Variants in RUBCN observed in about 807,000 individuals in gnomAD.
RUBCN encodes run domain Beclin-1-interacting and cysteine-rich domain-containing protein.
RUBCN carries 74 observed loss-of-function variants against 113.2 expected under a neutral mutation model. The observed-to-expected ratio is 0.65, with a 90% CI of 0.54 to 0.79. RUBCN has a LOEUF of 0.79. RUBCN is among the 30% of genes least tolerant of loss of function. The pLI is 0.00. For synonymous variants in RUBCN, 480 were observed against 490.0 expected (o/e 0.98, Z 0.27); for missense variants, 1,109 against 1,251.7 (o/e 0.89, Z 1.72).
intron 1 of RUBCN, among the ~76,000 whole-genome samples, chr3:197,728,924 G>A (rs1315963160): frequency 6.6e-6 from 1 of 152,166 alleles, no homozygotes; most frequent in African/African-American, 2.4e-5. Flanking sequence ...GTGAGAGTGG[G>A]TGAGTGTGCC....
At chr3:197,720,726 G>A (rs1049268159) in intron 1 of RUBCN, among the ~76,000 whole-genome samples, 3 of 152,044 alleles carry the variant, frequency 2.0e-5, no homozygotes, top group African/African-American at 7.2e-5. Context: ...CATTTAAGTT[G>A]ATTTCATACC....
rs374328414 is a variant in RUBCN, at chr3:197,678,450, TCTAA to T, written c.2431-913_2431-910del. ...CAACTGGCTTCAGACTGTCCTATGC[TCTAA>T]CTGACAACTGGCTTCAGACTGTCCT... On this transcript the variant is annotated intron_variant, in intron 16 of 19. Coordinates refer to ENST00000296343, the MANE Select transcript of RUBCN (RefSeq NM_014687.4). Among the ~76,000 whole-genome samples, 1,109 of 143,814 alleles carry T rather than the reference TCTAA, an allele frequency of 7.7e-3. 11 individuals carry two copies. Among genetic ancestry groups the T allele is most frequent in the Middle Eastern group, 0.024 (6 of 250 alleles). 94.3% of individuals were successfully genotyped at this position (143,814 alleles called of 152,430 possible).
At position 197,711,780 on chromosome 3, in the gene RUBCN, T is replaced by C. The variant is rs557002948; in HGVS notation, c.219+6197A>G. Among the ~76,000 whole-genome samples, 320 of 152,348 alleles carry C rather than the reference T, an allele frequency of 2.1e-3. 3 individuals are homozygous for C. The highest frequency in any genetic ancestry group is 3.5e-3 in the Non-Finnish European group (240 of 68,030). On this transcript the variant is annotated intron_variant, in intron 2 of 19. Transcript: ENST00000296343. ...TTTCACTGTATAGTTTTATACTTTT[T>C]TGATTATCTAGCTACGTAAAATACA...
At chr3:197,722,190 A>G (rs1222601272) in intron 1 of RUBCN, among the ~76,000 whole-genome samples, 23 of 151,918 alleles carry the variant, frequency 1.5e-4, no homozygotes, top group Admixed American at 1.5e-3. Context: ...TGGAGCTGGG[A>G]TTGCACCACT....
chr3:197,727,701 T>C (rs1469430476), intron 1 of RUBCN, among the ~76,000 whole-genome samples: 1 of 152,208 alleles, frequency 6.6e-6, no homozygotes, highest in Non-Finnish European at 1.5e-5. Context: ...ATACTGGATA[T>C]GACTTTTATA....
In RUBCN at chr3:197,697,566, AG is replaced by A. The variant is rs563587836; in HGVS notation, c.1262-518del. 1.1e-3 allele frequency among the ~76,000 whole-genome samples: 172 copies of A among 152,330 alleles called. 1 individual carries two copies. Among genetic ancestry groups the A allele is most frequent in the African/African-American group, 4.0e-3 (167 of 41,580 alleles). On this transcript the variant is annotated intron_variant, in intron 7 of 19. Coordinates refer to ENST00000296343, the MANE Select transcript of RUBCN (RefSeq NM_014687.4). The stretch of plus-strand genomic sequence containing the variant: ...GGCAGTGCTGGAGAAGCCCAGGGAG[AG>A]GGCCCTGTAAGCAAAGGGCTCCGTT...
At position 197,669,489 on chromosome 3, in the gene RUBCN, G is replaced by C. The variant is rs184555172; in HGVS notation, c.*5529C>G. On this transcript the variant is annotated 3_prime_UTR_variant, in exon 20 of 20. Transcript: ENST00000296343. Reference sequence around the variant, plus strand: ...GTTGTTTTTCTCATGATTAGACTGAGGTTATGGGTTTCTGAATGAATGTCA... The same window carrying C: ...GTTGTTTTTCTCATGATTAGACTGACGTTATGGGTTTCTGAATGAATGTCA... Among the ~76,000 whole-genome samples, 2 of 152,276 alleles carry C rather than the reference G, an allele frequency of 1.3e-5. No individual in the cohort carries two copies. The highest frequency in any genetic ancestry group is 1.9e-4 in the East Asian group (1 of 5,180).
rs917320297 is a variant in RUBCN, at chr3:197,670,735, G to A, written c.*4283C>T. ...GAAGATTTTTAAATATGTAGGGTGTGTTTACAGCATATAAATATCATCTTA... is the reference window on the plus strand; with the variant it reads ...GAAGATTTTTAAATATGTAGGGTGTATTTACAGCATATAAATATCATCTTA... On this transcript the variant is annotated 3_prime_UTR_variant, in exon 20 of 20. Transcript: ENST00000296343. 6.6e-5 allele frequency among the ~76,000 whole-genome samples: 10 copies of A among 152,230 alleles called. No homozygotes were observed. Among genetic ancestry groups the A allele is most frequent in the East Asian group, 1.9e-4 (1 of 5,198 alleles).
intron 18 of RUBCN, 76 bp downstream of exon 18, chr3:197,676,808 AG>A (rs1163555807): frequency 6.2e-7 from 1 of 1,609,126 alleles, no homozygotes; most frequent in African/African-American, 1.3e-5. Flanking sequence ...CTAAGTGGCA[AG>A]AACCCCAGGT....
At chr3:197,685,606 A>G (rs1560413611) in intron 11 of RUBCN, among the ~76,000 whole-genome samples, 1 of 152,250 alleles carries the variant, frequency 6.6e-6, no homozygotes, top group East Asian at 1.9e-4. Context: ...CTTCAAAGCT[A>G]CATGTATGAG....
intron 1 of RUBCN, among the ~76,000 whole-genome samples, chr3:197,720,170 T>G (rs939145413): frequency 1.3e-5 from 2 of 152,146 alleles, no homozygotes; most frequent in Non-Finnish European, 2.9e-5. Context: ...CTCCATGCCC[T>G]TCTCCCTCCT....
intron 7 of RUBCN, among the ~76,000 whole-genome samples, chr3:197,697,636 G>A (rs554340392): frequency 6.6e-6 from 1 of 152,234 alleles, no homozygotes; most frequent in Non-Finnish European, 1.5e-5. Flanking sequence ...GGGAGGGAAG[G>A]CTGGCGAGAC....
chr3:197,731,781 G>A (rs1486870785), intron 1 of RUBCN, among the ~76,000 whole-genome samples: 11 of 151,404 alleles, frequency 7.3e-5, no homozygotes, highest in African/African-American at 2.2e-4. Flanking sequence ...CGGATGGGGC[G>A]GCTGGCCGGG....
intron 17 of RUBCN, 103 bp from the exon 18 acceptor site, chr3:197,677,141 G>T: frequency 8.0e-7 from 1 of 1,254,876 alleles, no homozygotes; most frequent in Non-Finnish European, 1.2e-6. Flanking sequence ...ATGAGGGTGG[G>T]CACCCATCAG....
chr3:197,676,619 T>G (rs1720462037), intron 18 of RUBCN: 1 of 1,343,764 alleles, frequency 7.4e-7, no homozygotes, highest in Admixed American at 3.1e-5. Flanking sequence ...GGCCAACACT[T>G]CTTGAGTGAA....
chr3:197,676,123 C>T lies in RUBCN; in HGVS notation c.2647-608G>A, dbSNP rs113117018. ...TGAGGAATACATAAAGTATACAAAA[C>T]GCTGTCATACAAATTACCCCATCAA... On this transcript the variant is annotated intron_variant, in intron 18 of 19. Transcript: ENST00000296343. The T allele has an allele frequency of 1.8e-5, 16 of 879,706 alleles. No homozygotes were observed. The African/African-American group carries it at 2.4e-4, about 13-fold the overall frequency. 54.5% of individuals were successfully genotyped at this position (879,706 alleles called of 1,614,324 possible). A position where few individuals can be genotyped will look rare whatever the true frequency, so the allele number is the denominator to read the frequency against.
At chr3:197,735,191 G>C (rs1249741685) in intron 1 of RUBCN, among the ~76,000 whole-genome samples, 1 of 152,214 alleles carries the variant, frequency 6.6e-6, no homozygotes, top group African/African-American at 2.4e-5. Flanking sequence ...GAGCCCAGGA[G>C]TTAGAGACCA....
chr3:197,701,391 G>C (rs563794541), intron 6 of RUBCN, among the ~76,000 whole-genome samples: 8 of 152,214 alleles, frequency 5.3e-5, no homozygotes, highest in African/African-American at 7.2e-5. Context: ...GGCTCAAATG[G>C]GATAACACAT....
rs1301363588 is a variant in RUBCN, at chr3:197,693,792, G to A, written c.1709C>T (p.Ser570Phe). Residue 570 changes from serine to phenylalanine, a missense_variant, in exon 11 of 20, where the codon TCC (serine) becomes TTC (phenylalanine). This residue lies in a region of RUBCN where 736 missense variants were observed against 779.6 expected (regional missense o/e 0.94). Transcript: ENST00000296343. ...HGSFRVTSSS[S>F]QFSSRDSAQL... ...TGCCGAATCACGTGAGCTGAACTGG[G>A]AGCTGCTGGAGGTGACCCGAAAGCC... 1.9e-6 allele frequency: 3 copies of A among 1,613,918 alleles called. No individual in the cohort carries two copies. The highest frequency in any genetic ancestry group is 2.7e-5 in the African/African-American group (2 of 74,920).
Sources: gnomAD v4.1 joint callset for allele counts (sites outside exome capture counted in the v4.1 genomes callset) on GRCh38, gnomAD v4.1.1 for gene constraint, gnomAD v4.1.1 regional missense constraint, MANE v1.5 for transcripts, NCBI Gene and HGNC (gene_info 2026-07-23, HGNC 2026-07-21) for gene names.